Variants in FAH observed in about 807,000 individuals in gnomAD.
FAH encodes the protein fumarylacetoacetase.
FAH carries 47 observed loss-of-function variants against 55.8 expected under a neutral mutation model. The observed-to-expected ratio is 0.84, with a 90% CI of 0.67 to 1.07. FAH has a LOEUF of 1.07. Ranked by LOEUF, FAH falls within the 50% of genes least tolerant of loss-of-function variation. FAH has a pLI of 0.00. For synonymous variants in FAH, 199 were observed against 207.7 expected (o/e 0.96, Z 0.36); for missense variants, 495 against 545.9 (o/e 0.91, Z 0.93).
At chr15:80,178,064 G>C (rs2041298768) in intron 11 of FAH, among the ~76,000 whole-genome samples, 1 of 152,078 alleles carries the variant, frequency 6.6e-6, no homozygotes, top group Non-Finnish European at 1.5e-5. Context: ...GCCGGGCGTG[G>C]TAGCATGCAC....
At chr15:80,172,602 G>A (rs2041250576) in intron 8 of FAH, among the ~76,000 whole-genome samples, 1 of 152,184 alleles carries the variant, frequency 6.6e-6, no homozygotes, top group African/African-American at 2.4e-5. Flanking sequence ...AGGAACTGAG[G>A]CACAGGGAGA....
chr15:80,164,168 A>G (rs1256698170), intron 5 of FAH, among the ~76,000 whole-genome samples: 1 of 152,240 alleles, frequency 6.6e-6, no homozygotes, highest in Non-Finnish European at 1.5e-5. Context: ...AATCAGTCTC[A>G]CTGGCTAAAG....
intron 12 of FAH, among the ~76,000 whole-genome samples, chr15:80,180,775 G>T (rs1007753852): frequency 2.0e-5 from 3 of 152,206 alleles, no homozygotes; most frequent in Non-Finnish European, 4.4e-5. Flanking sequence ...GCTGCAGGGG[G>T]CACTGGGCAC....
At chr15:80,173,300 C>T (rs928228617) in intron 9 of FAH, 156 bp downstream of exon 9, 26 of 952,236 alleles carry the variant, frequency 2.7e-5, no homozygotes, top group Admixed American at 5.6e-5. Flanking sequence ...TTCCTGGCCA[C>T]GATTACTTCC....
intron 7 of FAH, among the ~76,000 whole-genome samples, chr15:80,169,427 C>T (rs1421039606): frequency 2.6e-5 from 4 of 152,132 alleles, no homozygotes; most frequent in Non-Finnish European, 4.4e-5. Context: ...ATAATTACCA[C>T]GAGTGACAAG....
At chr15:80,158,499 G>A (rs529368690) in intron 2 of FAH, among the ~76,000 whole-genome samples, 14 of 152,198 alleles carry the variant, frequency 9.2e-5, no homozygotes, top group African/African-American at 3.4e-4. Flanking sequence ...TTGAGCCTCT[G>A]CCTGTCCAAG....
rs186039833 is a variant in FAH, at chr15:80,184,596, G to A, written c.1181-1534G>A. ...AGGCTTTTTTTTTCACCCCAGTGGT[G>A]TGGATATTTCTGAGCATTGAGGTGG... On this transcript the variant is annotated intron_variant, in intron 13 of 13. Transcript: ENST00000561421. Among the ~76,000 whole-genome samples the A allele has an allele frequency of 2.0e-5, 3 of 152,184 alleles. No homozygotes were observed. The East Asian group carries it at 5.8e-4, about 29-fold the overall frequency.
chr15:80,171,138 C>A (rs1001702791), intron 7 of FAH, among the ~76,000 whole-genome samples: 14 of 151,744 alleles, frequency 9.2e-5, no homozygotes, highest in Non-Finnish European at 1.8e-4. Context: ...TACATGTGCA[C>A]AACGTGCAGG....
chr15:80,170,993 G>A (rs762325696), intron 7 of FAH, among the ~76,000 whole-genome samples: 3 of 152,052 alleles, frequency 2.0e-5, no homozygotes, highest in Non-Finnish European at 4.4e-5. Flanking sequence ...AGGCCGTGGG[G>A]TGTGCTCTCT....
chr15:80,162,431 G>T, intron 5 of FAH, 95 bp downstream of exon 5: 1 of 1,078,572 alleles, frequency 9.3e-7, no homozygotes, highest in East Asian at 2.4e-5. Flanking sequence ...TCTTCTTAAA[G>T]TAAACTGGGG....
intron 4 of FAH, among the ~76,000 whole-genome samples, chr15:80,161,755 G>T (rs2041151358): frequency 6.6e-6 from 1 of 152,196 alleles, no homozygotes; most frequent in East Asian, 1.9e-4. Flanking sequence ...AGCGAAGCCT[G>T]CCCCAGAAGG....
chr15:80,184,323 G>A (rs2041353099), intron 13 of FAH, among the ~76,000 whole-genome samples: 1 of 152,070 alleles, frequency 6.6e-6, no homozygotes, highest in South Asian at 2.1e-4. Context: ...GTCTCTCAGT[G>A]GTGGCGTCTT....
At chr15:80,155,880 CTT>C in intron 1 of FAH, 2 of 474,328 alleles carry the variant, frequency 4.2e-6, no homozygotes, top group South Asian at 3.1e-5. Context: ...AGATCAAAGA[CTT>C]TAAGACTTTC....
chr15:80,177,508 TTCATCAATATTGCTTTTCTTTCCAACAGG>T lies in FAH; in HGVS notation c.914-28_914del, dbSNP rs2041294209. On this transcript the variant is annotated splice_acceptor_variant and splice_polypyrimidine_tract_variant and coding_sequence_variant and intron_variant, in exon 11 of 14. Transcript: ENST00000561421. LOFTEE classifies it high-confidence loss of function. ...CCTCCCTGATGCATGGAATTAAGTT[TTCATCAATATTGCTTTTCTTTCCAACAGG>T]AGAAGGAATGAGCCAGGCGGCTACC... The T allele has an allele frequency of 6.2e-7, 1 of 1,606,272 alleles. No homozygotes were observed. Among genetic ancestry groups the T allele is most frequent in the East Asian group, 2.2e-5 (1 of 44,848 alleles).
chr15:80,173,922 G>A (rs112548023), intron 9 of FAH, among the ~76,000 whole-genome samples: 1 of 152,116 alleles, frequency 6.6e-6, no homozygotes. Flanking sequence ...ATCTCACCAC[G>A]CATTTGCTGG....
intron 4 of FAH, among the ~76,000 whole-genome samples, chr15:80,160,762 C>A (rs541172511): frequency 6.6e-6 from 1 of 152,306 alleles, no homozygotes; most frequent in East Asian, 1.9e-4. Context: ...GGGACAAATT[C>A]TCTGAGCTCA....
chr15:80,166,876 C>T (rs1038980787), intron 5 of FAH: 3 of 151,002 alleles, frequency 2.0e-5, no homozygotes, highest in African/African-American at 7.3e-5. Context: ...ACCTTGTGAT[C>T]CACCCGCCTC....
chr15:80,180,848 C>T (rs2041325224), intron 12 of FAH, among the ~76,000 whole-genome samples, 194 bp from the exon 13 acceptor site: 1 of 152,130 alleles, frequency 6.6e-6, no homozygotes, highest in African/African-American at 2.4e-5. Flanking sequence ...TTGCTGTCCC[C>T]ACAGGAAGAA....
intron 13 of FAH, among the ~76,000 whole-genome samples, chr15:80,181,474 G>A (rs942746444): frequency 3.9e-5 from 6 of 152,284 alleles, no homozygotes; most frequent in African/African-American, 1.4e-4. Context: ...GACACTTGGT[G>A]ACCTATGACT....
Sources: allele counts gnomAD v4.1 joint callset (sites outside exome capture counted in the v4.1 genomes callset), GRCh38; gene constraint gnomAD v4.1.1; transcripts MANE v1.5; gene names NCBI Gene and HGNC (gene_info 2026-07-23, HGNC 2026-07-21).